Variants in TLL1 observed in about 807,000 individuals in gnomAD.
The protein encoded by TLL1 is tolloid like 1.
A neutral mutation model predicts 128.2 loss-of-function variants in TLL1; 49 were observed. The observed-to-expected ratio is 0.38, with a 90% CI of 0.30 to 0.48. TLL1 has a LOEUF of 0.48. TLL1 is among the 20% of genes least tolerant of loss of function. The pLI is 0.96. For missense variants in TLL1, 1,123 were observed against 1,242.0 expected (o/e 0.90, Z 1.44); for synonymous variants, 454 against 418.8 (o/e 1.08, Z -1.03).
chr4:165,923,949 T>C (rs1048359040), intron 1 of TLL1, among the ~76,000 whole-genome samples: 2 of 152,188 alleles, frequency 1.3e-5, no homozygotes, highest in Non-Finnish European at 2.9e-5. Flanking sequence ...GGATTGATGA[T>C]CTTTGATGCT....
intron 7 of TLL1, among the ~76,000 whole-genome samples, chr4:166,013,941 T>C (rs1233444523): frequency 6.6e-6 from 1 of 151,884 alleles, no homozygotes; most frequent in Non-Finnish European, 1.5e-5. Flanking sequence ...TACTTGGACT[T>C]CTAAGAATAC....
At chr4:166,095,048 A>AAAGCATT (rs1170779451) in intron 19 of TLL1, among the ~76,000 whole-genome samples, 2 of 152,264 alleles carry the variant, frequency 1.3e-5, no homozygotes, top group Admixed American at 1.3e-4. Flanking sequence ...CTACGTGTAT[A>AAAGCATT]AAGCATTTAT....
intron 12 of TLL1, among the ~76,000 whole-genome samples, chr4:166,051,831 G>A (rs1268473561): frequency 6.6e-6 from 1 of 152,154 alleles, no homozygotes; most frequent in Non-Finnish European, 1.5e-5. Context: ...CATTCACTGT[G>A]TGAGAATGCT....
At chr4:166,028,325 T>C (rs562766488) in intron 9 of TLL1, among the ~76,000 whole-genome samples, 16 of 152,198 alleles carry the variant, frequency 1.1e-4, no homozygotes, top group African/African-American at 3.8e-4. Flanking sequence ...TTTTTCTTCT[T>C]TGCAAACATT....
intron 12 of TLL1, among the ~76,000 whole-genome samples, chr4:166,047,084 G>T (rs993847850): frequency 1.3e-5 from 2 of 151,920 alleles, no homozygotes; most frequent in Admixed American, 6.6e-5. Flanking sequence ...AATATTATAT[G>T]ATTTTACCTG....
chr4:166,089,764 T>C lies in TLL1; in HGVS notation c.2443-1364T>C, dbSNP rs561390868. On this transcript the variant is annotated intron_variant, in intron 18 of 20. Coordinates refer to ENST00000061240, the MANE Select transcript of TLL1 (RefSeq NM_012464.5). Reference sequence around the variant, plus strand: ...AACAATTACTCTAATGCTTATTGGTTATAATTTTTTTTATTTCTACTTTTT... The same window carrying C: ...AACAATTACTCTAATGCTTATTGGTCATAATTTTTTTTATTTCTACTTTTT... Among the ~76,000 whole-genome samples, 8 of 152,240 alleles carry C rather than the reference T, an allele frequency of 5.3e-5. No homozygotes were observed. The South Asian group carries it at 1.7e-3, about 32-fold the overall frequency.
chr4:165,884,136 C>A (rs1264828002), intron 1 of TLL1, among the ~76,000 whole-genome samples: 1 of 152,104 alleles, frequency 6.6e-6, no homozygotes, highest in Non-Finnish European at 1.5e-5. Context: ...TAGATTTACC[C>A]GAGGGATTTA....
intron 9 of TLL1, among the ~76,000 whole-genome samples, chr4:166,032,310 A>C (rs558564708): frequency 6.6e-6 from 1 of 152,284 alleles, no homozygotes; most frequent in South Asian, 2.1e-4. Flanking sequence ...TCCAAATTAA[A>C]TTCCAATAGA....
At chr4:165,886,816 A>C (rs980183534) in intron 1 of TLL1, among the ~76,000 whole-genome samples, 1 of 152,000 alleles carries the variant, frequency 6.6e-6, no homozygotes, top group African/African-American at 2.4e-5. Flanking sequence ...GAATCTGTGG[A>C]TATGGAGGGC....
chr4:165,937,522 G>A (rs548765807), intron 1 of TLL1, among the ~76,000 whole-genome samples: 2 of 152,206 alleles, frequency 1.3e-5, no homozygotes, highest in East Asian at 3.9e-4. Flanking sequence ...AGAGCTTATA[G>A]CTGTCACATA....
chr4:166,036,110 G>A (rs144124511), intron 9 of TLL1, among the ~76,000 whole-genome samples: 1,700 of 152,114 alleles, frequency 0.011, 35 homozygotes, highest in African/African-American at 0.037. Flanking sequence ...GGCTTTTTTT[G>A]TGGTGCTCAT....
intron 1 of TLL1, among the ~76,000 whole-genome samples, chr4:165,947,210 G>T (rs1280742266): frequency 6.6e-6 from 1 of 152,092 alleles, no homozygotes; most frequent in East Asian, 1.9e-4. Context: ...TGTGTGAGCT[G>T]GTGGGGACAG....
intron 1 of TLL1, among the ~76,000 whole-genome samples, chr4:165,974,849 G>A (rs942994925): frequency 2.0e-5 from 3 of 152,154 alleles, no homozygotes; most frequent in Non-Finnish European, 2.9e-5. Context: ...GACCAGTACT[G>A]GCACCAACTG....
chr4:166,098,000 T>G (rs1742102925), intron 19 of TLL1, among the ~76,000 whole-genome samples: 1 of 152,064 alleles, frequency 6.6e-6, no homozygotes, highest in Non-Finnish European at 1.5e-5. Flanking sequence ...TGGGGCATTG[T>G]AGGCTTTCTG....
At chr4:165,915,097 A>C (rs1732720471) in intron 1 of TLL1, among the ~76,000 whole-genome samples, 1 of 152,194 alleles carries the variant, frequency 6.6e-6, no homozygotes, top group South Asian at 2.1e-4. Flanking sequence ...TATCATAGGC[A>C]TTATTGATGA....
chr4:165,931,531 C>A (rs1001036099), intron 1 of TLL1, among the ~76,000 whole-genome samples: 2 of 151,654 alleles, frequency 1.3e-5, no homozygotes, highest in Non-Finnish European at 2.9e-5. Context: ...TCCTGGCCAA[C>A]ACGGTGAAAC....
chr4:166,074,681 A>G (rs555558716), intron 16 of TLL1, among the ~76,000 whole-genome samples, 197 bp from the exon 17 acceptor site: 169 of 152,296 alleles, frequency 1.1e-3, no homozygotes, highest in Admixed American at 2.1e-3. Context: ...AACTTGATTC[A>G]TGGTACAACG....
intron 1 of TLL1, among the ~76,000 whole-genome samples, chr4:165,919,450 T>C (rs547568110): frequency 1.3e-5 from 2 of 151,872 alleles, no homozygotes; most frequent in Non-Finnish European, 2.9e-5. Flanking sequence ...AATAACTTAA[T>C]TAAAATAATT....
chr4:166,038,017 A>G (rs965406786), intron 9 of TLL1, among the ~76,000 whole-genome samples: 1 of 152,120 alleles, frequency 6.6e-6, no homozygotes, highest in African/African-American at 2.4e-5. Flanking sequence ...AGAAATATTT[A>G]TAGTTATCCT....
Sources: gnomAD v4.1 joint callset for allele counts (sites outside exome capture counted in the v4.1 genomes callset) on GRCh38, gnomAD v4.1.1 for gene constraint, MANE v1.5 for transcripts, NCBI Gene and HGNC (gene_info 2026-07-23, HGNC 2026-07-21) for gene names.